Variants in NRXN3 observed in about 807,000 individuals in gnomAD.
NRXN3 encodes neurexin III.
In NRXN3, 32 loss-of-function variants were observed where a neutral mutation model predicts 137.6. The ratio of observed to expected loss-of-function variants is 0.23; its 90% CI spans 0.18 to 0.31. The LOEUF (loss-of-function observed/expected upper bound fraction) is 0.31, where lower values mean the gene tolerates loss of function less well. NRXN3 is among the 10% of genes least tolerant of loss of function. NRXN3 has a pLI of 1.00. For missense variants in NRXN3, 1,574 were observed against 2,062.5 expected (o/e 0.76, Z 4.59); for synonymous variants, 798 against 784.5 (o/e 1.02, Z -0.29).
At chr14:78,314,896 T>TTTC (rs2078415293) in intron 4 of NRXN3, among the ~76,000 whole-genome samples, 2 of 93,770 alleles carry the variant, frequency 2.1e-5, no homozygotes, top group African/African-American at 1.1e-4. Flanking sequence ...TTTCTTTCTC[T>TTTC]TTCTTTCTTT....
intron 6 of NRXN3, among the ~76,000 whole-genome samples, chr14:78,693,619 T>G (rs1166367839): frequency 6.6e-6 from 1 of 151,560 alleles, no homozygotes; most frequent in East Asian, 1.9e-4. Flanking sequence ...TTTGGTCTTA[T>G]GTATGTCATG....
At chr14:79,309,883 G>A (rs1419833804) in intron 15 of NRXN3, among the ~76,000 whole-genome samples, 2 of 115,048 alleles carry the variant, frequency 1.7e-5, no homozygotes, top group African/African-American at 4.1e-5. Flanking sequence ...GTTGTAGGTT[G>A]CCTGTTCACT....
intron 15 of NRXN3, among the ~76,000 whole-genome samples, chr14:79,354,612 GA>G (rs1412946177): frequency 6.6e-6 from 1 of 152,118 alleles, no homozygotes; most frequent in African/African-American, 2.4e-5. Context: ...TTGTTACACA[GA>G]AGGTATTCAA....
intron 19 of NRXN3, among the ~76,000 whole-genome samples, chr14:79,711,397 T>C (rs184709554): frequency 7.2e-4 from 109 of 152,174 alleles, no homozygotes; most frequent in African/African-American, 2.5e-3. Context: ...TAATTTCACA[T>C]TTTAATTTAT....
At chr14:79,279,659 G>A in intron 15 of NRXN3, 1 of 986,850 alleles carries the variant, frequency 1.0e-6, no homozygotes, top group Non-Finnish European at 1.2e-6. Context: ...GAAGCCGGCG[G>A]CTGCTCCGTG....
At chr14:78,221,115 A>G (rs1280894766) in intron 1 of NRXN3, among the ~76,000 whole-genome samples, 1 of 152,112 alleles carries the variant, frequency 6.6e-6, no homozygotes, top group East Asian at 1.9e-4. Context: ...CTCAAGATAG[A>G]GAACTGGTGG....
intron 15 of NRXN3, among the ~76,000 whole-genome samples, chr14:79,006,851 G>A (rs557213807): frequency 2.0e-5 from 3 of 152,174 alleles, no homozygotes; most frequent in Non-Finnish European, 4.4e-5. Context: ...TTTCCCTGAT[G>A]TAGATAAAAT....
At chr14:78,600,020 A>G (rs996359124) in intron 4 of NRXN3, among the ~76,000 whole-genome samples, 7 of 152,348 alleles carry the variant, frequency 4.6e-5, no homozygotes, top group African/African-American at 1.2e-4. Flanking sequence ...AAGCACCACT[A>G]TAAACTGGGT....
intron 10 of NRXN3, among the ~76,000 whole-genome samples, chr14:78,893,240 T>C (rs1270208603): frequency 6.6e-6 from 1 of 152,014 alleles, no homozygotes. Flanking sequence ...CCTCCCTTTG[T>C]TGGCATAATT....
intron 16 of NRXN3, among the ~76,000 whole-genome samples, chr14:79,576,904 T>A (rs1353450819): frequency 6.6e-6 from 1 of 152,178 alleles, no homozygotes; most frequent in Non-Finnish European, 1.5e-5. Context: ...TTTTCTAAAT[T>A]CCTTCTGTTA....
chr14:79,481,706 T>G (rs571626958), intron 16 of NRXN3, among the ~76,000 whole-genome samples: 1 of 152,322 alleles, frequency 6.6e-6, no homozygotes, highest in East Asian at 1.9e-4. Flanking sequence ...GTTTAATACA[T>G]GTAGAGCTGG....
chr14:79,612,008 T>A (rs980977343), intron 16 of NRXN3, among the ~76,000 whole-genome samples: 1 of 152,218 alleles, frequency 6.6e-6, no homozygotes. Flanking sequence ...CAAACTAAGC[T>A]GTGAAAAATA....
chr14:78,557,935 G>A (rs1326095944), intron 4 of NRXN3, among the ~76,000 whole-genome samples: 1 of 152,188 alleles, frequency 6.6e-6, no homozygotes, highest in Non-Finnish European at 1.5e-5. Context: ...GGAGTCTTAA[G>A]AATATTAACT....
At chr14:79,201,367 G>GA (rs1360914865) in intron 15 of NRXN3, 1 of 152,096 alleles carries the variant, frequency 6.6e-6, no homozygotes, top group Non-Finnish European at 1.5e-5. Context: ...AAGCAAGGAT[G>GA]AAAAAATATG....
intron 14 of NRXN3, among the ~76,000 whole-genome samples, chr14:78,983,192 G>T (rs2099493974): frequency 6.6e-6 from 1 of 152,130 alleles, no homozygotes; most frequent in Non-Finnish European, 1.5e-5. Context: ...GTGCATTTTT[G>T]GTGGGAATGT....
intron 4 of NRXN3, among the ~76,000 whole-genome samples, chr14:78,599,432 T>G (rs983488640): frequency 4.6e-5 from 7 of 152,270 alleles, no homozygotes; most frequent in African/African-American, 1.7e-4. Context: ...TTAGTCTTAT[T>G]TCTCAGTCTA....
At chr14:78,213,281 G>GT (rs397964585) in intron 1 of NRXN3, among the ~76,000 whole-genome samples, 1 of 151,860 alleles carries the variant, frequency 6.6e-6, no homozygotes, top group African/African-American at 2.4e-5. Context: ...TGAGATGGGG[G>GT]AAGAGAATGG....
chr14:78,926,597 A>ATT (rs2099292179), intron 10 of NRXN3, among the ~76,000 whole-genome samples: 2 of 115,738 alleles, frequency 1.7e-5, no homozygotes, highest in African/African-American at 6.3e-5. Context: ...AAAATACAAA[A>ATT]TTATATATAT....
chr14:78,773,556 C>T (rs1051400071), intron 8 of NRXN3, among the ~76,000 whole-genome samples: 1 of 152,050 alleles, frequency 6.6e-6, no homozygotes, highest in Admixed American at 6.6e-5. Flanking sequence ...ACTTACTTAG[C>T]TTTATTTAAT....
Sources: gnomAD v4.1 joint callset for allele counts (sites outside exome capture counted in the v4.1 genomes callset) on GRCh38, gnomAD v4.1.1 for gene constraint, MANE v1.5 for transcripts, NCBI Gene and HGNC (gene_info 2026-07-23, HGNC 2026-07-21) for gene names.